ATP8B1: variants seen among roughly 807,000 people sequenced by gnomAD.
ATP8B1 encodes the protein phospholipid-transporting ATPase IC.
In ATP8B1, 80 loss-of-function variants were observed where a neutral mutation model predicts 149.9. The ratio of observed to expected loss-of-function variants is 0.53; its 90% CI spans 0.45 to 0.64. The LOEUF is 0.64. Among genes scored for constraint, ATP8B1 ranks in the 30% least tolerant of loss-of-function variants. ATP8B1 has a pLI of 0.00. For missense variants in ATP8B1, 1,247 were observed against 1,552.6 expected, an observed-to-expected ratio of 0.80 and a Z score of 3.31; for synonymous variants, 536 against 562.8, an observed-to-expected ratio of 0.95 and a Z score of 0.67.
chr18:57,692,079 T>C, intron 11 of ATP8B1, 82 bp from the exon 12 acceptor site: 1 of 1,544,532 alleles, frequency 6.5e-7, no homozygotes, highest in Non-Finnish European at 8.7e-7. Flanking sequence ...TTAACCTTAC[T>C]CAATACTTCA....
intron 1 of ATP8B1, among the ~76,000 whole-genome samples, chr18:57,764,395 C>CTCTT (rs1256682857): frequency 2.1e-5 from 3 of 141,092 alleles, no homozygotes. Flanking sequence ...CTCTCTTTCT[C>CTCTT]TCTTTCTTTC....
At chr18:57,782,060 G>C (rs1019832312) in intron 1 of ATP8B1, among the ~76,000 whole-genome samples, 2 of 152,204 alleles carry the variant, frequency 1.3e-5, no homozygotes, top group African/African-American at 4.8e-5. Flanking sequence ...GGTTGCAGTG[G>C]GAGCTTGGCA....
At chr18:57,667,469 A>G in intron 19 of ATP8B1, 1 of 354,596 alleles carries the variant, frequency 2.8e-6, no homozygotes, top group South Asian at 2.9e-5. Context: ...TGAATAATTG[A>G]TTTTACCTAG....
intron 2 of ATP8B1, among the ~76,000 whole-genome samples, chr18:57,728,779 G>A (rs1435788176): frequency 7.3e-5 from 11 of 150,860 alleles, no homozygotes; most frequent in Non-Finnish European, 1.5e-5. Flanking sequence ...GCGTGTAGTG[G>A]TGGGATCTTG....
At chr18:57,776,453 A>G (rs2080306589) in intron 1 of ATP8B1, among the ~76,000 whole-genome samples, 1 of 152,242 alleles carries the variant, frequency 6.6e-6, no homozygotes, top group Non-Finnish European at 1.5e-5. Flanking sequence ...AGAGGTTAAG[A>G]CAAGTGACGG....
intron 1 of ATP8B1, among the ~76,000 whole-genome samples, chr18:57,794,218 T>C (rs2080489266): frequency 6.6e-6 from 1 of 152,130 alleles, no homozygotes; most frequent in Non-Finnish European, 1.5e-5. Context: ...TTTGGCTAAT[T>C]TTCAGGGCAC....
chr18:57,653,927 G>A, intron 24 of ATP8B1, 65 bp downstream of exon 24: 2 of 1,417,416 alleles, frequency 1.4e-6, no homozygotes, highest in Non-Finnish European at 2.0e-6. Flanking sequence ...TGAAACGTTT[G>A]CTTGGGACTT....
intron 2 of ATP8B1, among the ~76,000 whole-genome samples, chr18:57,730,157 A>G (rs188461356): frequency 6.6e-6 from 1 of 151,978 alleles, no homozygotes; most frequent in Non-Finnish European, 1.5e-5. Flanking sequence ...GATTTCATGC[A>G]TATCACATCT....
At chr18:57,760,975 C>T (rs1256630338) in intron 1 of ATP8B1, among the ~76,000 whole-genome samples, 2 of 149,382 alleles carry the variant, frequency 1.3e-5, no homozygotes, top group Admixed American at 6.7e-5. Flanking sequence ...GGCAACAGAG[C>T]GAGACTCTGT....
At chr18:57,761,039 A>AT (rs11417262) in intron 1 of ATP8B1, among the ~76,000 whole-genome samples, 1 of 143,100 alleles carries the variant, frequency 7.0e-6, no homozygotes, top group African/African-American at 2.6e-5. Flanking sequence ...AAATAAAATA[A>AT]ATAAAATAAA....
At chr18:57,801,193 C>A (rs536499241) in intron 1 of ATP8B1, among the ~76,000 whole-genome samples, 1 of 152,274 alleles carries the variant, frequency 6.6e-6, no homozygotes, top group South Asian at 2.1e-4. Context: ...CTGTGTTGGA[C>A]AGTAATAACC....
At chr18:57,693,799 G>A (rs1006837755) in intron 11 of ATP8B1, among the ~76,000 whole-genome samples, 1 of 152,072 alleles carries the variant, frequency 6.6e-6, no homozygotes, top group African/African-American at 2.4e-5. Flanking sequence ...GCATTCTTTT[G>A]GGGAGTCTAG....
At chr18:57,736,672 A>G (rs1288554192) in intron 1 of ATP8B1, among the ~76,000 whole-genome samples, 1 of 145,496 alleles carries the variant, frequency 6.9e-6, no homozygotes, top group Non-Finnish European at 1.5e-5. Context: ...CATTGTCCAA[A>G]CTGGTCTTGA....
intron 11 of ATP8B1, 66 bp downstream of exon 11, chr18:57,694,512 AACAT>A (rs1912702872): frequency 9.3e-7 from 1 of 1,079,764 alleles, no homozygotes; most frequent in Non-Finnish European, 1.4e-6. Context: ...GTATTAGAAA[AACAT>A]ACGATAATAT....
intron 2 of ATP8B1, among the ~76,000 whole-genome samples, chr18:57,711,797 C>G (rs188193503): frequency 1.3e-4 from 20 of 152,156 alleles, no homozygotes; most frequent in Non-Finnish European, 2.6e-4. Context: ...GCTTTGCAGA[C>G]CAGGCTGGTC....
At chr18:57,776,029 G>T (rs2080303335) in intron 1 of ATP8B1, among the ~76,000 whole-genome samples, 1 of 152,130 alleles carries the variant, frequency 6.6e-6, no homozygotes, top group African/African-American at 2.4e-5. Context: ...AGGATAAGGA[G>T]TAGGCTACAT....
chr18:57,675,084 G>A, intron 15 of ATP8B1, 62 bp from the exon 16 acceptor site: 2 of 1,556,938 alleles, frequency 1.3e-6, no homozygotes, highest in South Asian at 2.3e-5. Flanking sequence ...GCTCATTGTT[G>A]AGGCCTCTGC....
At chr18:57,773,191 G>C (rs1187009122) in intron 1 of ATP8B1, among the ~76,000 whole-genome samples, 3 of 103,062 alleles carry the variant, frequency 2.9e-5, no homozygotes, top group African/African-American at 4.3e-5. Context: ...GACAGAGCGA[G>C]ACTCTGTCTT....
In ATP8B1 at chr18:57,782,803, C is replaced by CTTTTTTTTTTTTT. The variant is rs79009229; in HGVS notation, c.-26+20182_-26+20194dup. 6.4e-4 allele frequency among the ~76,000 whole-genome samples: 58 copies of CTTTTTTTTTTTTT among 91,154 alleles called. 10 individuals are homozygous for CTTTTTTTTTTTTT. The highest frequency in any genetic ancestry group is 3.1e-3 in the East Asian group (5 of 1,604). The allele number at this position is 91,154 out of a possible 152,430, so 59.8% of individuals were successfully genotyped here. On this transcript the variant is annotated intron_variant, in intron 1 of 27. Coordinates refer to ENST00000648908, the MANE Select transcript of ATP8B1 (RefSeq NM_001374385.1). ...GGCTCAGATTAATTCTAGTTTGTCTCTTTTTTTTTTTTTTTTTTTTTTTTT... is the reference window on the plus strand; with the variant it reads ...GGCTCAGATTAATTCTAGTTTGTCTCTTTTTTTTTTTTTTTTTTTTTTTTTTTTTTTTTTTTTT...
Sources: gnomAD v4.1 joint callset for allele counts (sites outside exome capture counted in the v4.1 genomes callset) on GRCh38, gnomAD v4.1.1 for gene constraint, MANE v1.5 for transcripts, NCBI Gene and HGNC (gene_info 2026-07-23, HGNC 2026-07-21) for gene names.